ZCCHC14: variants seen among roughly 807,000 people sequenced by gnomAD.
The protein encoded by ZCCHC14 is zinc finger CCHC-type containing 14.
A neutral mutation model predicts 85.0 loss-of-function variants in ZCCHC14; 16 were observed. That is an observed-to-expected ratio of 0.19 (90% CI 0.13 to 0.29). ZCCHC14 has a LOEUF of 0.29. Ranked by LOEUF, ZCCHC14 falls within the 10% of genes least tolerant of loss-of-function variation. The pLI is 1.00. For missense variants in ZCCHC14, 1,303 were observed against 1,443.5 expected (o/e 0.90, Z 1.58); for synonymous variants, 775 against 630.7 (o/e 1.23, Z -3.43).
At chr16:87,428,020 C>T (rs1909464075) in intron 3 of ZCCHC14, among the ~76,000 whole-genome samples, 1 of 150,834 alleles carries the variant, frequency 6.6e-6, no homozygotes, top group Admixed American at 6.6e-5. Flanking sequence ...CCAGGTGATG[C>T]TCCTGCCTCA....
chr16:87,490,405 C>A (rs375074304), intron 1 of ZCCHC14, among the ~76,000 whole-genome samples: 1 of 152,230 alleles, frequency 6.6e-6, no homozygotes, highest in African/African-American at 2.4e-5. Flanking sequence ...AAAAAATAAT[C>A]AGTTTGTAAT....
chr16:87,444,953 A>G (rs1910362272), intron 2 of ZCCHC14, among the ~76,000 whole-genome samples: 1 of 152,174 alleles, frequency 6.6e-6, no homozygotes. Flanking sequence ...ACACATGATC[A>G]CGATTTGGGG....
At chr16:87,418,825 G>A (rs780137208) in intron 7 of ZCCHC14, 22 bp downstream of exon 7, 72 of 1,608,718 alleles carry the variant, frequency 4.5e-5, no homozygotes, top group Non-Finnish European at 5.9e-5. Flanking sequence ...GAACTGTGCT[G>A]GTTACATAGA....
rs1265117148 is a variant in ZCCHC14, at chr16:87,412,216, A to C, written c.2505T>G (p.Gly835=). 1 of 1,613,546 alleles carries C rather than the reference A, an allele frequency of 6.2e-7. No individual in the cohort carries two copies. The change falls in exon 12 of 13, where the codon GGT becomes GGG. Residue 835 remains glycine, a synonymous_variant. Transcript: ENST00000671377. The part of the protein sequence containing the change: ...MSSMPVGPLQ[G]GFCANSNTAS... Reference sequence around the variant, plus strand: ...CAGTGTTGCTGTTTGCACAGAAGCCACCCTGCAGGGGGCCCACTGGCATAC... The same window carrying C: ...CAGTGTTGCTGTTTGCACAGAAGCCCCCCTGCAGGGGGCCCACTGGCATAC...
At chr16:87,467,121 A>T (rs1911560632) in intron 1 of ZCCHC14, 1 of 810,850 alleles carries the variant, frequency 1.2e-6, no homozygotes, top group South Asian at 1.5e-5. Context: ...CTGGCCTCAA[A>T]AGTGGTCCTC....
chr16:87,433,068 AG>A (rs1909741827), intron 3 of ZCCHC14, 59 bp downstream of exon 3: 2 of 1,538,526 alleles, frequency 1.3e-6, no homozygotes, highest in Non-Finnish European at 1.8e-6. Flanking sequence ...AAGCATCTCC[AG>A]GGTAAGTGTT....
intron 2 of ZCCHC14, 101 bp from the exon 3 acceptor site, chr16:87,433,302 A>T (rs1367104830): frequency 3.5e-6 from 4 of 1,128,504 alleles, no homozygotes; most frequent in Non-Finnish European, 5.1e-6. Context: ...CCAGGTTCTC[A>T]GCACCCAAGG....
In ZCCHC14 at chr16:87,408,090, T is replaced by C. The variant is rs955046316; in HGVS notation, c.*2190A>G. 2.6e-5 allele frequency: 4 copies of C among 152,688 alleles called. No homozygotes were observed. The highest frequency in any genetic ancestry group is 9.6e-5 in the African/African-American group (4 of 41,462). The allele number at this position is 152,688 out of a possible 1,614,324, so 9.5% of individuals were successfully genotyped here. On this transcript the variant is annotated 3_prime_UTR_variant, in exon 13 of 13. Coordinates refer to ENST00000671377, the MANE Select transcript of ZCCHC14 (RefSeq NM_015144.3). ...GGAACTCATCTACCTCAACGCTGAA[T>C]GGCAGGCTCCAAGTTGAAAAGTTTC...
At chr16:87,488,826 C>T (rs1049921571) in intron 1 of ZCCHC14, among the ~76,000 whole-genome samples, 1 of 152,226 alleles carries the variant, frequency 6.6e-6, no homozygotes, top group Non-Finnish European at 1.5e-5. Flanking sequence ...GATCTGCCCA[C>T]CTTGACCTCC....
intron 3 of ZCCHC14, among the ~76,000 whole-genome samples, chr16:87,424,146 C>T (rs1326435019): frequency 2.0e-5 from 3 of 152,242 alleles, no homozygotes; most frequent in Non-Finnish European, 4.4e-5. Flanking sequence ...CAGCTGCCTC[C>T]TGTAAGTTCT....
intron 2 of ZCCHC14, among the ~76,000 whole-genome samples, chr16:87,439,423 G>A (rs995595672): frequency 3.6e-4 from 55 of 152,302 alleles, no homozygotes; most frequent in African/African-American, 1.2e-3. Context: ...GTGAGCCACT[G>A]TGCCTGGCCA....
At chr16:87,432,374 G>T (rs1477371903) in intron 3 of ZCCHC14, among the ~76,000 whole-genome samples, 1 of 152,212 alleles carries the variant, frequency 6.6e-6, no homozygotes, top group African/African-American at 2.4e-5. Flanking sequence ...TCTAGAGGCT[G>T]CTTTCAGGAA....
At chr16:87,475,348 T>C (rs191192684) in intron 1 of ZCCHC14, among the ~76,000 whole-genome samples, 27 of 152,148 alleles carry the variant, frequency 1.8e-4, no homozygotes, top group African/African-American at 6.5e-4. Flanking sequence ...GGTCAGAAGT[T>C]CGAGACTAGC....
intron 11 of ZCCHC14, 26 bp from the exon 12 acceptor site, chr16:87,413,002 G>C: frequency 6.2e-7 from 1 of 1,614,016 alleles, no homozygotes; most frequent in Non-Finnish European, 8.5e-7. Context: ...AGAGTGGTCA[G>C]TGCCATTCCA....
intron 1 of ZCCHC14, chr16:87,471,440 A>G (rs1164670947): frequency 4.6e-5 from 7 of 152,262 alleles, no homozygotes; most frequent in Non-Finnish European, 7.3e-5. Flanking sequence ...CAAAAAGAGA[A>G]AGAGAGAAAA....
At chr16:87,450,625 T>C (rs1326538192) in intron 2 of ZCCHC14, among the ~76,000 whole-genome samples, 2 of 150,742 alleles carry the variant, frequency 1.3e-5, no homozygotes, top group African/African-American at 4.9e-5. Flanking sequence ...GACTGGAGTG[T>C]AATGGCATGA....
In ZCCHC14 at chr16:87,410,089, T is replaced by C; in HGVS notation, c.*191A>G. ...CACTAGGCGAGTTCTGACACCAAGC[T>C]CCAATCTAGGGTTTTGGCAATAAAT... On this transcript the variant is annotated 3_prime_UTR_variant, in exon 13 of 13. Coordinates refer to ENST00000671377, the MANE Select transcript of ZCCHC14 (RefSeq NM_015144.3). 2.1e-6 allele frequency: 1 copy of C among 469,162 alleles called. No homozygotes were observed. Among genetic ancestry groups the C allele is most frequent in the Non-Finnish European group, 3.8e-6 (1 of 265,596 alleles). 29.1% of individuals were successfully genotyped at this position (469,162 alleles called of 1,614,324 possible).
intron 3 of ZCCHC14, among the ~76,000 whole-genome samples, chr16:87,432,806 G>A (rs1198850691): frequency 6.6e-6 from 1 of 152,194 alleles, no homozygotes; most frequent in Non-Finnish European, 1.5e-5. Flanking sequence ...AGGCACCACG[G>A]CCCCGGGTTC....
At chr16:87,449,485 C>A (rs566434610) in intron 2 of ZCCHC14, among the ~76,000 whole-genome samples, 1 of 152,028 alleles carries the variant, frequency 6.6e-6, no homozygotes, top group East Asian at 1.9e-4. Context: ...GGTGCAGAGG[C>A]GCAGCGACAG....
Sources: gnomAD v4.1 joint callset for allele counts (sites outside exome capture counted in the v4.1 genomes callset) on GRCh38, gnomAD v4.1.1 for gene constraint, MANE v1.5 for transcripts, NCBI Gene and HGNC (gene_info 2026-07-23, HGNC 2026-07-21) for gene names.